Variants in CDH23 observed in about 807,000 individuals in gnomAD.
CDH23 encodes the protein cadherin-23.
A neutral mutation model predicts 317.1 loss-of-function variants in CDH23; 189 were observed. The ratio of observed to expected loss-of-function variants is 0.60; its 90% CI spans 0.53 to 0.67. The LOEUF (loss-of-function observed/expected upper bound fraction) is 0.67, where lower values mean the gene tolerates loss of function less well. CDH23 is among the 30% of genes least tolerant of loss of function. The pLI, the probability that CDH23 is intolerant of heterozygous loss-of-function variation, is 0.00. For synonymous variants in CDH23, 1,839 were observed against 1,876.8 expected (o/e 0.98, Z 0.52); for missense variants, 4,401 against 4,592.4 (o/e 0.96, Z 1.20).
At chr10:71,472,895 T>C (rs1231398420) in intron 3 of CDH23, among the ~76,000 whole-genome samples, 1 of 152,252 alleles carries the variant, frequency 6.6e-6, no homozygotes, top group Admixed American at 6.5e-5. Context: ...TTGACATCTT[T>C]ATTGTTATTA....
At chr10:71,453,449 G>C (rs1850545841) in intron 3 of CDH23, among the ~76,000 whole-genome samples, 1 of 152,262 alleles carries the variant, frequency 6.6e-6, no homozygotes, top group African/African-American at 2.4e-5. Context: ...TGGGAGGCCA[G>C]GGAGGGCAGA....
At chr10:71,759,980 C>CAT (rs772299103) in intron 38 of CDH23, among the ~76,000 whole-genome samples, 1 of 85,338 alleles carries the variant, frequency 1.2e-5, no homozygotes, top group Non-Finnish European at 2.8e-5. Context: ...TACACACACA[C>CAT]ATATATATAC....
At chr10:71,449,213 C>T (rs1850314763) in intron 3 of CDH23, among the ~76,000 whole-genome samples, 1 of 152,198 alleles carries the variant, frequency 6.6e-6, no homozygotes, top group African/African-American at 2.4e-5. Flanking sequence ...CACAGATAAG[C>T]TGGGTCCAGG....
intron 27 of CDH23, chr10:71,712,261 A>G (rs943338168): frequency 1.1e-5 from 2 of 175,024 alleles, no homozygotes; most frequent in African/African-American, 4.7e-5. Context: ...CAAGATCCTT[A>G]ACGTAATTAC....
At chr10:71,443,485 CCT>C (rs1212934551) in intron 2 of CDH23, among the ~76,000 whole-genome samples, 2 of 152,260 alleles carry the variant, frequency 1.3e-5, no homozygotes, top group Non-Finnish European at 2.9e-5. Flanking sequence ...CCTTCTCTCC[CCT>C]CTCTCCTCAG....
intron 38 of CDH23, chr10:71,753,760 G>A (rs1840064891): frequency 1.3e-5 from 6 of 456,274 alleles, no homozygotes; most frequent in South Asian, 6.2e-5. Context: ...TGCTGATTAC[G>A]ATGGGGAAAC....
intron 11 of CDH23, among the ~76,000 whole-genome samples, chr10:71,622,217 A>T (rs947003282): frequency 2.6e-5 from 4 of 151,994 alleles, no homozygotes; most frequent in African/African-American, 9.7e-5. Flanking sequence ...TATAATGTAT[A>T]TATCCTTAAA....
rs527440693 is a variant in CDH23, at chr10:71,581,413, G to A, written c.832+3421G>A. Reference sequence around the variant, plus strand: ...AGTGGGTGAGGTCTGTCTGCCCCACGTGGCTGGAGACAGGCCTGAGCCCAC... The same window carrying A: ...AGTGGGTGAGGTCTGTCTGCCCCACATGGCTGGAGACAGGCCTGAGCCCAC... On this transcript the variant is annotated intron_variant, in intron 9 of 69. Transcript: ENST00000224721. Among the ~76,000 whole-genome samples, 27 of 152,316 alleles carry A rather than the reference G, an allele frequency of 1.8e-4. 1 individual carries two copies. In the East Asian group the frequency reaches 4.8e-3, roughly 27 times the overall value.
At chr10:71,694,702 A>G (rs1865312261) in intron 21 of CDH23, among the ~76,000 whole-genome samples, 1 of 152,102 alleles carries the variant, frequency 6.6e-6, no homozygotes, top group South Asian at 2.1e-4. Context: ...AGAAAGCTAG[A>G]GGAACGAAAC....
Position 71,687,676 on chromosome 10 carries a change from C to G in CDH23, c.2016C>G (p.Ser672Arg), listed in dbSNP as rs1864963527. The G allele has an allele frequency of 3.1e-6, 5 of 1,613,928 alleles. No homozygotes were observed. The highest frequency in any genetic ancestry group is 4.2e-6 in the Non-Finnish European group (5 of 1,179,880). The change falls in exon 19 of 70, where the codon AGC (serine) becomes AGG (arginine). Residue 672 changes from serine to arginine, a missense_variant. Physicochemically the swap from Ser to Arg is moderately radical, Grantham distance 110. Transcript: ENST00000224721. ...AGAATGACAACCCTCCCACCTTCAG[C>G]AAGCCCGCCTACTTCGTCTCCGTGG... ...FDENDNPPTFSKPAYFVSVVE... is the reference protein window; with the variant it reads ...FDENDNPPTFRKPAYFVSVVE...
At chr10:71,544,107 A>T (rs1191632293) in intron 6 of CDH23, among the ~76,000 whole-genome samples, 1 of 152,172 alleles carries the variant, frequency 6.6e-6, no homozygotes, top group African/African-American at 2.4e-5. Flanking sequence ...TATGTTAGAT[A>T]AAGCTTTTAT....
chr10:71,438,410 T>G (rs1037933200), intron 1 of CDH23, among the ~76,000 whole-genome samples: 2 of 151,964 alleles, frequency 1.3e-5, no homozygotes, highest in Non-Finnish European at 2.9e-5. Flanking sequence ...AATCTTTTAT[T>G]CTTCAAATGA....
rs1227049 is a variant in CDH23 at position 71,675,131 on chromosome 10, G to T, written c.1469G>T (p.Gly490Val). 5 of 1,613,678 alleles carry T rather than the reference G, an allele frequency of 3.1e-6. No homozygotes were observed. The highest frequency in any genetic ancestry group is 1.7e-5 in the Admixed American group (1 of 59,984). ...TTGCAGGCAACTGACAATGATGCAGGCACCTTTGGGGAAGTCAGCTACTTC... is the reference window on the plus strand; with the variant it reads ...TTGCAGGCAACTGACAATGATGCAGTCACCTTTGGGGAAGTCAGCTACTTC... ...LTVLATDNDA[G>V]TFGEVSYFFS... Residue 490 changes from glycine (G) to valine (V), a missense_variant, in exon 15 of 70, where the codon GGC becomes GTC. Physicochemically the swap from Gly to Val is moderately radical, Grantham distance 109. Around this residue, in one of 3 missense-constraint regions of CDH23, gnomAD observed 3,068 missense variants for 3,203.3 expected, o/e 0.96. Coordinates refer to ENST00000224721, the MANE Select transcript of CDH23 (RefSeq NM_022124.6).
chr10:71,722,624 G>C (rs140455441), intron 28 of CDH23, among the ~76,000 whole-genome samples: 1 of 152,350 alleles, frequency 6.6e-6, no homozygotes, highest in African/African-American at 2.4e-5. Context: ...ATGTATCAGA[G>C]GGTGACCAGG....
intron 38 of CDH23, among the ~76,000 whole-genome samples, chr10:71,743,653 AG>A (rs2132850616): frequency 6.6e-6 from 1 of 152,290 alleles, no homozygotes; most frequent in South Asian, 2.1e-4. Context: ...GCTGGGGCAG[AG>A]AGGGGTATCA....
intron 28 of CDH23, chr10:71,716,112 G>T: frequency 1.3e-6 from 2 of 1,547,034 alleles, no homozygotes; most frequent in Non-Finnish European, 1.7e-6. Context: ...GGGTGGTGGG[G>T]CATGCACTCG....
intron 3 of CDH23, among the ~76,000 whole-genome samples, chr10:71,483,899 T>C (rs1852203637): frequency 6.6e-6 from 1 of 152,102 alleles, no homozygotes; most frequent in Non-Finnish European, 1.5e-5. Flanking sequence ...CCCACACACA[T>C]GTGCCTGTGC....
chr10:71,528,555 G>A (rs769859508), intron 6 of CDH23, among the ~76,000 whole-genome samples: 5 of 152,246 alleles, frequency 3.3e-5, no homozygotes, highest in Non-Finnish European at 5.9e-5. Flanking sequence ...TCATCGGAGC[G>A]TTATGATATT....
At chr10:71,719,116 A>C (rs983107127) in intron 28 of CDH23, among the ~76,000 whole-genome samples, 5 of 152,126 alleles carry the variant, frequency 3.3e-5, no homozygotes, top group Admixed American at 1.3e-4. Flanking sequence ...GTGGAGTTGT[A>C]ATTAGCATCT....
Sources: allele counts gnomAD v4.1 joint callset (sites outside exome capture counted in the v4.1 genomes callset), GRCh38; gene constraint gnomAD v4.1.1; regional missense constraint gnomAD v4.1.1; transcripts MANE v1.5; gene names NCBI Gene and HGNC (gene_info 2026-07-23, HGNC 2026-07-21).